The following SERTM1 variants were observed in gnomAD, a reference collection of about 807,000 sequenced individuals.
SERTM1 encodes serine rich and transmembrane domain containing 1.
Under a neutral mutation model 5.5 loss-of-function variants are expected in SERTM1, and 1 was observed. The ratio of observed to expected loss-of-function variants is 0.18; its 90% CI spans 0.06 to 0.86. The LOEUF (loss-of-function observed/expected upper bound fraction) is 0.86. Among genes scored for constraint, SERTM1 ranks in the 40% least tolerant of loss-of-function variants. The pLI is 0.69. For synonymous variants in SERTM1, 52 were observed against 55.1 expected, an observed-to-expected ratio of 0.94 and a Z score of 0.25; for missense variants, 91 against 122.4, an observed-to-expected ratio of 0.74 and a Z score of 1.21.
intron 1 of SERTM1, among the ~76,000 whole-genome samples, chr13:36,683,406 T>C (rs1449992968): frequency 7.9e-5 from 12 of 152,204 alleles, no homozygotes; most frequent in African/African-American, 2.7e-4. Context: ...GACTTATTTA[T>C]GGTCAAATTC....
At chr13:36,692,150 A>G (rs1206647584) in intron 1 of SERTM1, among the ~76,000 whole-genome samples, 2 of 152,330 alleles carry the variant, frequency 1.3e-5, no homozygotes, top group East Asian at 3.9e-4. Flanking sequence ...ATGTCAAATA[A>G]GGACACAAGG....
rs1199375854 is a variant in SERTM1 at position 36,695,495 on chromosome 13, T to C, written c.*93T>C. On this transcript the variant is annotated 3_prime_UTR_variant, in exon 2 of 2. Transcript: ENST00000315190. Reference sequence around the variant, plus strand: ...CATTGCCTCATGAAAGAAATGATCCTTTTGGTGTAGACCTGCTTCTCCTTC... The same window carrying C: ...CATTGCCTCATGAAAGAAATGATCCCTTTGGTGTAGACCTGCTTCTCCTTC... 1 of 908,714 alleles carries C rather than the reference T, an allele frequency of 1.1e-6. No homozygotes were observed. Among genetic ancestry groups the C allele is most frequent in the Non-Finnish European group, 1.7e-6 (1 of 582,384 alleles). The allele number at this position is 908,714 out of a possible 1,614,324, so 56.3% of individuals were successfully genotyped here.
intron 1 of SERTM1, among the ~76,000 whole-genome samples, chr13:36,688,769 T>C (rs955575117): frequency 2.6e-5 from 4 of 152,204 alleles, no homozygotes; most frequent in South Asian, 4.1e-4. Context: ...TTCATTATGA[T>C]CTTACTTATG....
At chr13:36,678,646 A>T (rs2056683978) in intron 1 of SERTM1, among the ~76,000 whole-genome samples, 1 of 141,080 alleles carries the variant, frequency 7.1e-6, no homozygotes, top group African/African-American at 2.6e-5. Flanking sequence ...CACGTCCTGC[A>T]CATGTATCCT....
chr13:36,683,355 T>A (rs959804278), intron 1 of SERTM1, among the ~76,000 whole-genome samples: 1 of 152,182 alleles, frequency 6.6e-6, no homozygotes, highest in Non-Finnish European at 1.5e-5. Context: ...TTTTAATATA[T>A]TACATACACA....
At chr13:36,686,980 T>C (rs1254810969) in intron 1 of SERTM1, among the ~76,000 whole-genome samples, 1 of 152,216 alleles carries the variant, frequency 6.6e-6, no homozygotes, top group Non-Finnish European at 1.5e-5. Flanking sequence ...TCTTTTTAAA[T>C]AGCCATTTTA....
At chr13:36,681,325 C>T (rs1395012395) in intron 1 of SERTM1, among the ~76,000 whole-genome samples, 1 of 152,218 alleles carries the variant, frequency 6.6e-6, no homozygotes, top group African/African-American at 2.4e-5. Context: ...GCAGTTTCCT[C>T]ATCTCACAGG....
In SERTM1 at chr13:36,679,411, G is replaced by T. The variant is rs1308906735; in HGVS notation, c.-174+5227G>T. On this transcript the variant is annotated intron_variant, in intron 1 of 1. Coordinates refer to ENST00000315190, the MANE Select transcript of SERTM1 (RefSeq NM_203451.3). ...TGTTTGTTTTGTTTTGTTTTTGTTTGTTTTTTGTTTTTGAGATGGAGTCTT... is the reference window on the plus strand; with the variant it reads ...TGTTTGTTTTGTTTTGTTTTTGTTTTTTTTTTGTTTTTGAGATGGAGTCTT... Among the ~76,000 whole-genome samples, 6 of 151,922 alleles carry T rather than the reference G, an allele frequency of 3.9e-5. No homozygotes were observed. The South Asian group carries it at 1.2e-3, about 32-fold the overall frequency.
rs981226948 is a variant in SERTM1 at position 36,695,568 on chromosome 13, G to T, written c.*166G>T. On this transcript the variant is annotated 3_prime_UTR_variant, in exon 2 of 2. Transcript: ENST00000315190. ...CTGTTCATGATGCTTTTCATTTGGG[G>T]ATGGAGACACCGATGTTGGTGGAAA... is the stretch of plus-strand genomic sequence containing the variant. 17 of 634,794 alleles carry T rather than the reference G, an allele frequency of 2.7e-5. No individual in the cohort carries two copies. The highest frequency in any genetic ancestry group is 4.8e-5 in the Non-Finnish European group (17 of 357,140). 39.3% of individuals were successfully genotyped at this position (634,794 alleles called of 1,614,324 possible).
At chr13:36,694,863 G>A (rs879268137) in intron 1 of SERTM1, 43 bp from the exon 2 acceptor site, 2 of 529,778 alleles carry the variant, frequency 3.8e-6, no homozygotes, top group Non-Finnish European at 6.6e-6. Context: ...GAATTTAAAT[G>A]TGATTTTTCT....
chr13:36,688,451 G>A (rs1400813202), intron 1 of SERTM1, among the ~76,000 whole-genome samples: 1 of 152,056 alleles, frequency 6.6e-6, no homozygotes, highest in African/African-American at 2.4e-5. Flanking sequence ...GGGCTCAAGC[G>A]ATCCTCCTGC....
chr13:36,692,315 T>C (rs1304469419), intron 1 of SERTM1, among the ~76,000 whole-genome samples: 1 of 152,178 alleles, frequency 6.6e-6, no homozygotes, highest in African/African-American at 2.4e-5. Context: ...CTTCTGGAAG[T>C]AAAAACCTAC....
chr13:36,677,730 G>A (rs2056679176), intron 1 of SERTM1, among the ~76,000 whole-genome samples: 1 of 152,184 alleles, frequency 6.6e-6, no homozygotes, highest in African/African-American at 2.4e-5. Flanking sequence ...AGCTTTCCTG[G>A]TTAACTTGCT....
At chr13:36,677,039 G>A (rs1419605916) in intron 1 of SERTM1, among the ~76,000 whole-genome samples, 2 of 152,076 alleles carry the variant, frequency 1.3e-5, no homozygotes, top group African/African-American at 4.8e-5. Flanking sequence ...CAGGAGCCGG[G>A]CAACAGTCTA....
At chr13:36,674,234 C>G (rs994712773) in intron 1 of SERTM1, 50 bp downstream of exon 1, 22 of 152,078 alleles carry the variant, frequency 1.4e-4, no homozygotes, top group African/African-American at 5.1e-4. Context: ...TGAACTTGCC[C>G]TACGCGGAGA....
chr13:36,683,629 G>T (rs2056720355), intron 1 of SERTM1, among the ~76,000 whole-genome samples: 2 of 152,158 alleles, frequency 1.3e-5, no homozygotes, highest in Admixed American at 1.3e-4. Flanking sequence ...ATAGACATTG[G>T]CAGGTACTTA....
chr13:36,680,521 T>TTG lies in SERTM1; in HGVS notation c.-174+6340_-174+6341dup, dbSNP rs1446044117. 6.6e-5 allele frequency among the ~76,000 whole-genome samples: 10 copies of TTG among 152,310 alleles called. No homozygotes were observed. The South Asian group carries it at 1.9e-3, about 28-fold the overall frequency. ...GGAAAGGGGGTGCTAGGCCCTCAAT[T>TTG]TGTGGTCTCTTTCACTAGCTGGAGT... is the stretch of plus-strand genomic sequence containing the variant. On this transcript the variant is annotated intron_variant, in intron 1 of 1. Coordinates refer to ENST00000315190, the MANE Select transcript of SERTM1 (RefSeq NM_203451.3).
chr13:36,685,459 A>G (rs1369914761), intron 1 of SERTM1, among the ~76,000 whole-genome samples: 1 of 152,236 alleles, frequency 6.6e-6, no homozygotes, highest in Admixed American at 6.5e-5. Context: ...GTCTAATATC[A>G]GATTCATCTG....
At chr13:36,686,420 CT>C (rs1156684997) in intron 1 of SERTM1, among the ~76,000 whole-genome samples, 1 of 152,172 alleles carries the variant, frequency 6.6e-6, no homozygotes, top group African/African-American at 2.4e-5. Context: ...AAATTATTTT[CT>C]TCAACTTGCA....
Sources: gnomAD v4.1 joint callset for allele counts (sites outside exome capture counted in the v4.1 genomes callset) on GRCh38, gnomAD v4.1.1 for gene constraint, MANE v1.5 for transcripts, NCBI Gene and HGNC (gene_info 2026-07-23, HGNC 2026-07-21) for gene names.